The following NDFIP2 variants were observed in gnomAD, a reference collection of about 807,000 sequenced individuals.
The protein encoded by NDFIP2 is NEDD4 family-interacting protein 2.
In NDFIP2, 19 loss-of-function variants were observed where a neutral mutation model predicts 36.0. The ratio of observed to expected loss-of-function variants is 0.53; its 90% CI spans 0.37 to 0.77. The LOEUF is 0.77. NDFIP2 is among the 30% of genes least tolerant of loss of function. NDFIP2 has a pLI of 0.00. For synonymous variants in NDFIP2, 181 were observed against 167.7 expected (o/e 1.08, Z -0.61); for missense variants, 446 against 435.8 (o/e 1.02, Z -0.21).
chr13:79,508,708 CT>C (rs1873962843), intron 1 of NDFIP2, among the ~76,000 whole-genome samples: 1 of 152,178 alleles, frequency 6.6e-6, no homozygotes, highest in African/African-American at 2.4e-5. Context: ...TTGTGCCAAC[CT>C]TTTATCTCAT....
intron 1 of NDFIP2, among the ~76,000 whole-genome samples, chr13:79,497,631 T>C (rs367868880): frequency 6.6e-6 from 1 of 151,520 alleles, no homozygotes; most frequent in East Asian, 1.9e-4. Context: ...ACTGCCATGC[T>C]GAAACTAGAG....
intron 3 of NDFIP2, among the ~76,000 whole-genome samples, chr13:79,539,110 T>C (rs1047961567): frequency 3.9e-5 from 6 of 152,214 alleles, no homozygotes; most frequent in Admixed American, 3.3e-4. Context: ...TCTCCTAACA[T>C]AGTCTGCTGT....
intron 1 of NDFIP2, among the ~76,000 whole-genome samples, chr13:79,489,779 G>A (rs1261777612): frequency 6.6e-6 from 1 of 152,100 alleles, no homozygotes; most frequent in African/African-American, 2.4e-5. Flanking sequence ...TTAAGGGGAT[G>A]GCCTAGAGTG....
At chr13:79,527,389 A>T (rs1187288633) in intron 2 of NDFIP2, among the ~76,000 whole-genome samples, 1 of 152,214 alleles carries the variant, frequency 6.6e-6, no homozygotes, top group African/African-American at 2.4e-5. Context: ...TTCCACGTAA[A>T]GGAAATTCCA....
intron 3 of NDFIP2, among the ~76,000 whole-genome samples, chr13:79,535,327 A>G (rs1419375920): frequency 6.6e-6 from 1 of 152,208 alleles, no homozygotes; most frequent in Non-Finnish European, 1.5e-5. Context: ...TCTAAAGACA[A>G]GGTAGGAAGC....
At chr13:79,543,518 A>G in intron 4 of NDFIP2, 40 bp from the exon 5 acceptor site, 1 of 1,610,876 alleles carries the variant, frequency 6.2e-7, no homozygotes, top group Non-Finnish European at 8.5e-7. Flanking sequence ...ATTTGTTTCC[A>G]AATTGTGGTT....
intron 1 of NDFIP2, among the ~76,000 whole-genome samples, chr13:79,504,787 G>A (rs567786274): frequency 2.6e-5 from 4 of 152,202 alleles, no homozygotes; most frequent in Middle Eastern, 3.4e-3. Context: ...TTGTCAAATG[G>A]TGATTTCCTA....
intron 1 of NDFIP2, among the ~76,000 whole-genome samples, chr13:79,502,549 T>A (rs1254800675): frequency 1.3e-5 from 2 of 152,034 alleles, no homozygotes; most frequent in Admixed American, 1.3e-4. Context: ...GAATGAATGG[T>A]TGAAGATAGA....
intron 1 of NDFIP2, among the ~76,000 whole-genome samples, chr13:79,518,537 C>G (rs1374434004): frequency 6.6e-6 from 1 of 152,168 alleles, no homozygotes; most frequent in African/African-American, 2.4e-5. Context: ...AGATGAGTGA[C>G]TACTGATTGG....
At chr13:79,485,291 A>C (rs1872923969) in intron 1 of NDFIP2, among the ~76,000 whole-genome samples, 1 of 152,128 alleles carries the variant, frequency 6.6e-6, no homozygotes, top group Non-Finnish European at 1.5e-5. Context: ...GCAGTTACAC[A>C]CTGTGGTTGC....
chr13:79,509,921 G>A (rs980066091), intron 1 of NDFIP2, among the ~76,000 whole-genome samples: 1 of 152,092 alleles, frequency 6.6e-6, no homozygotes, highest in Non-Finnish European at 1.5e-5. Flanking sequence ...TTCTAGCTGC[G>A]CTGGCAGTTG....
chr13:79,551,336 A>G (rs1594862383), intron 7 of NDFIP2, among the ~76,000 whole-genome samples: 1 of 151,562 alleles, frequency 6.6e-6, no homozygotes, highest in African/African-American at 2.4e-5. Flanking sequence ...ATAAATTTTA[A>G]TTTTTAAAAT....
At chr13:79,501,901 A>G (rs57066341) in intron 1 of NDFIP2, among the ~76,000 whole-genome samples, 4,027 of 152,216 alleles carry the variant, frequency 0.026, 178 homozygotes, top group African/African-American at 0.092. Flanking sequence ...TGGTTTGCCT[A>G]TGATAGACTG....
rs548246096 is a variant in NDFIP2 at position 79,554,781 on chromosome 13, A to G, written c.*2268A>G. On this transcript the variant is annotated 3_prime_UTR_variant, in exon 8 of 8. Transcript: ENST00000218652. ...CTCTGCCTTAAAGATTGAAAAATCA[A>G]AACTCTTGTTAGGGTATCTAAACAT... The G allele has an allele frequency of 1.3e-4, 20 of 152,064 alleles. No homozygotes were observed. Among genetic ancestry groups the G allele is most frequent in the Admixed American group, 3.9e-4 (6 of 15,268 alleles). The allele number at this position is 152,064 out of a possible 1,614,324, so 9.4% of individuals were successfully genotyped here. A position where few individuals can be genotyped will look rare whatever the true frequency, so the allele number is the denominator to read the frequency against.
chr13:79,485,481 A>G (rs1183620527), intron 1 of NDFIP2, among the ~76,000 whole-genome samples: 1 of 152,064 alleles, frequency 6.6e-6, no homozygotes, highest in Non-Finnish European at 1.5e-5. Flanking sequence ...TACTCATTTC[A>G]TTTTCCACTG....
At chr13:79,543,730 T>A (rs1219010203) in intron 5 of NDFIP2, 48 bp downstream of exon 5, 1 of 1,592,256 alleles carries the variant, frequency 6.3e-7, no homozygotes, top group Non-Finnish European at 8.5e-7. Flanking sequence ...AAATGAGATG[T>A]ATGAAATTTT....
chr13:79,487,714 A>G (rs537726122), intron 1 of NDFIP2, among the ~76,000 whole-genome samples: 47 of 152,196 alleles, frequency 3.1e-4, no homozygotes, highest in African/African-American at 8.2e-4. Context: ...GCTGCTGTCA[A>G]TCTTTTTAAT....
In NDFIP2 at chr13:79,539,789, C is replaced by G. The variant is rs778644728; in HGVS notation, c.715+14C>G. The G allele has an allele frequency of 1.9e-6, 3 of 1,609,282 alleles. No homozygotes were observed. The African/African-American group carries it at 4.0e-5, about 22-fold the overall frequency. Reference sequence around the variant, plus strand: ...TGGCATTTTTCAGTAAGTAATCTTCCTAAACTATTTTGGGTTGTTTTTATG... The same window carrying G: ...TGGCATTTTTCAGTAAGTAATCTTCGTAAACTATTTTGGGTTGTTTTTATG... On this transcript the variant is annotated intron_variant, in intron 4 of 7. Coordinates refer to ENST00000218652, the MANE Select transcript of NDFIP2 (RefSeq NM_019080.3).
chr13:79,533,275 A>G, intron 2 of NDFIP2, 48 bp from the exon 3 acceptor site: 1 of 1,567,426 alleles, frequency 6.4e-7, no homozygotes, highest in Non-Finnish European at 8.7e-7. Flanking sequence ...CTATGGCTAC[A>G]AAATTAAATA....
Sources: gnomAD v4.1 joint callset for allele counts (sites outside exome capture counted in the v4.1 genomes callset) on GRCh38, gnomAD v4.1.1 for gene constraint, MANE v1.5 for transcripts, NCBI Gene and HGNC (gene_info 2026-07-23, HGNC 2026-07-21) for gene names.